Variants in TCF7L1 observed in about 807,000 individuals in gnomAD.
The protein encoded by TCF7L1 is transcription factor 7 like 1.
A neutral mutation model predicts 63.7 loss-of-function variants in TCF7L1; 18 were observed. The observed-to-expected ratio is 0.28, with a 90% CI of 0.20 to 0.42. The LOEUF is 0.42. Ranked by LOEUF, TCF7L1 falls within the 10% of genes least tolerant of loss-of-function variation. The pLI is 1.00. For missense variants in TCF7L1, 654 were observed against 779.3 expected (o/e 0.84, Z 1.91); for synonymous variants, 355 against 340.9 (o/e 1.04, Z -0.46).
At chr2:85,208,508 G>A (rs1312648261) in intron 3 of TCF7L1, among the ~76,000 whole-genome samples, 1 of 152,150 alleles carries the variant, frequency 6.6e-6, no homozygotes, top group Non-Finnish European at 1.5e-5. Flanking sequence ...TGGAGAAGGT[G>A]ATATATAAGC....
At chr2:85,214,624 A>C (rs946185485) in intron 3 of TCF7L1, among the ~76,000 whole-genome samples, 3 of 152,150 alleles carry the variant, frequency 2.0e-5, no homozygotes, top group Admixed American at 1.3e-4. Context: ...ATATGCAAGA[A>C]CCTCTAGAAT....
intron 3 of TCF7L1, among the ~76,000 whole-genome samples, chr2:85,245,124 C>G (rs1374373365): frequency 6.6e-6 from 1 of 152,130 alleles, no homozygotes; most frequent in Non-Finnish European, 1.5e-5. Flanking sequence ...AGACAGATAC[C>G]AGGGAGAGGA....
intron 3 of TCF7L1, among the ~76,000 whole-genome samples, chr2:85,207,748 T>C (rs1679442794): frequency 1.3e-5 from 2 of 152,210 alleles, no homozygotes; most frequent in African/African-American, 4.8e-5. Flanking sequence ...AAACCGTACT[T>C]CAGTGCTGTA....
intron 7 of TCF7L1, 170 bp downstream of exon 7, chr2:85,304,508 A>G: frequency 1.6e-6 from 1 of 638,412 alleles, no homozygotes; most frequent in East Asian, 2.8e-5. Context: ...CCCCCAGGTC[A>G]GAATGGAGAC....
intron 3 of TCF7L1, among the ~76,000 whole-genome samples, chr2:85,250,279 T>C (rs938984450): frequency 6.6e-6 from 1 of 152,152 alleles, no homozygotes; most frequent in African/African-American, 2.4e-5. Context: ...TGCCAGCTGC[T>C]CTGGTCCACT....
At chr2:85,282,432 A>T (rs1681439588) in intron 3 of TCF7L1, among the ~76,000 whole-genome samples, 1 of 151,914 alleles carries the variant, frequency 6.6e-6, no homozygotes, top group Admixed American at 6.6e-5. Context: ...CTAAGACAAC[A>T]TGTGTGCTTT....
chr2:85,227,874 C>T (rs1558639909), intron 3 of TCF7L1, among the ~76,000 whole-genome samples: 1 of 151,628 alleles, frequency 6.6e-6, no homozygotes, highest in African/African-American at 2.4e-5. Flanking sequence ...CACCTGTAGT[C>T]CCAGCTACTC....
At chr2:85,195,723 T>G (rs182367399) in intron 3 of TCF7L1, among the ~76,000 whole-genome samples, 3 of 152,102 alleles carry the variant, frequency 2.0e-5, no homozygotes, top group Non-Finnish European at 4.4e-5. Context: ...ATTTTTGTAT[T>G]TTTTGTAGAG....
chr2:85,179,481 T>TG (rs1488913348), intron 3 of TCF7L1, among the ~76,000 whole-genome samples: 1 of 152,232 alleles, frequency 6.6e-6, no homozygotes, highest in East Asian at 1.9e-4. Flanking sequence ...AGAACCTCTA[T>TG]ACTAGGTCAT....
chr2:85,226,601 G>A (rs745898101), intron 3 of TCF7L1, among the ~76,000 whole-genome samples: 9 of 151,672 alleles, frequency 5.9e-5, no homozygotes, highest in Non-Finnish European at 5.9e-5. Flanking sequence ...TATTCTCTTA[G>A]TTCCCATTCT....
At chr2:85,168,671 G>T (rs1678476340) in intron 3 of TCF7L1, among the ~76,000 whole-genome samples, 1 of 152,046 alleles carries the variant, frequency 6.6e-6, no homozygotes, top group South Asian at 2.1e-4. Flanking sequence ...ACCCAGGCTG[G>T]AGTGCAGTGG....
At chr2:85,149,362 CTT>C (rs1246696600) in intron 3 of TCF7L1, among the ~76,000 whole-genome samples, 1 of 147,840 alleles carries the variant, frequency 6.8e-6, no homozygotes, top group Non-Finnish European at 1.5e-5. Flanking sequence ...CACACACTAA[CTT>C]TATAAATAAG....
chr2:85,230,076 T>A (rs991132238), intron 3 of TCF7L1, among the ~76,000 whole-genome samples: 2 of 152,208 alleles, frequency 1.3e-5, no homozygotes, highest in African/African-American at 4.8e-5. Flanking sequence ...GTTTTCTGCT[T>A]CTTTCTCTTT....
chr2:85,198,342 C>A (rs1679201771), intron 3 of TCF7L1, among the ~76,000 whole-genome samples: 2 of 152,212 alleles, frequency 1.3e-5, no homozygotes, highest in African/African-American at 4.8e-5. Context: ...AGAGCCCAAA[C>A]ACCACCATCT....
intron 3 of TCF7L1, among the ~76,000 whole-genome samples, chr2:85,268,360 C>T (rs114511373): frequency 0.014 from 2,067 of 152,268 alleles, 28 homozygotes; most frequent in Non-Finnish European, 0.018. Context: ...GGACTTGCAC[C>T]TCTAATTTGG....
chr2:85,189,505 C>T (rs951320346), intron 3 of TCF7L1, among the ~76,000 whole-genome samples: 3 of 152,254 alleles, frequency 2.0e-5, no homozygotes, highest in Non-Finnish European at 2.9e-5. Context: ...GCCTCTAGCC[C>T]TCTAAGGCTT....
chr2:85,231,436 G>A (rs1269770940), intron 3 of TCF7L1, among the ~76,000 whole-genome samples: 1 of 152,162 alleles, frequency 6.6e-6, no homozygotes, highest in Admixed American at 6.5e-5. Flanking sequence ...CAGTGATGGG[G>A]GCAGCCTAGA....
chr2:85,150,577 G>A (rs1347170733), intron 3 of TCF7L1, among the ~76,000 whole-genome samples: 2 of 149,208 alleles, frequency 1.3e-5, no homozygotes, highest in Non-Finnish European at 3.0e-5. Context: ...TTTTGCAGAA[G>A]AACCTTGACT....
At chr2:85,233,536 G>C (rs181868765) in intron 3 of TCF7L1, among the ~76,000 whole-genome samples, 28 of 151,678 alleles carry the variant, frequency 1.8e-4, no homozygotes, top group African/African-American at 6.8e-4. Context: ...GGATGGTCTC[G>C]ATCTCCTGAC....
Sources: allele counts gnomAD v4.1 joint callset (sites outside exome capture counted in the v4.1 genomes callset), GRCh38; gene constraint gnomAD v4.1.1; transcripts MANE v1.5; gene names NCBI Gene and HGNC (gene_info 2026-07-23, HGNC 2026-07-21).